GSK3B: variants seen among roughly 807,000 people sequenced by gnomAD.
GSK3B encodes the protein glycogen synthase kinase-3 beta.
GSK3B carries 15 observed loss-of-function variants against 56.4 expected under a neutral mutation model. The observed-to-expected ratio is 0.27, with a 90% CI of 0.18 to 0.41. GSK3B has a LOEUF of 0.41. Ranked by LOEUF, GSK3B falls within the 10% of genes least tolerant of loss-of-function variation. GSK3B has a pLI of 1.00. For missense variants in GSK3B, 300 were observed against 513.4 expected, an observed-to-expected ratio of 0.58 and a Z score of 4.02; for synonymous variants, 181 against 188.9, an observed-to-expected ratio of 0.96 and a Z score of 0.34.
At chr3:119,853,624 C>T (rs141824285) in intron 9 of GSK3B, among the ~76,000 whole-genome samples, 4 of 152,214 alleles carry the variant, frequency 2.6e-5, no homozygotes, top group African/African-American at 7.2e-5. Flanking sequence ...TTCTCCTTGA[C>T]GAGGTCCTTC....
At chr3:120,057,593 A>C (rs2058201691) in intron 1 of GSK3B, among the ~76,000 whole-genome samples, 1 of 152,204 alleles carries the variant, frequency 6.6e-6, no homozygotes, top group Non-Finnish European at 1.5e-5. Context: ...ATTCCTGTGG[A>C]AAGATAGATA....
At chr3:120,089,133 G>A (rs1486209135) in intron 1 of GSK3B, among the ~76,000 whole-genome samples, 1 of 152,220 alleles carries the variant, frequency 6.6e-6, no homozygotes, top group Admixed American at 6.5e-5. Flanking sequence ...AACTTTGCCA[G>A]TGAAATGAGA....
intron 1 of GSK3B, among the ~76,000 whole-genome samples, chr3:120,087,682 G>A (rs1379930291): frequency 2.0e-5 from 3 of 152,120 alleles, no homozygotes; most frequent in Admixed American, 1.3e-4. Context: ...AAGTTGGTTT[G>A]ACAAAACTAG....
chr3:120,078,409 G>A (rs1040355763), intron 1 of GSK3B, among the ~76,000 whole-genome samples: 21 of 151,938 alleles, frequency 1.4e-4, no homozygotes, highest in Admixed American at 1.2e-3. Flanking sequence ...CTTTTCTAAC[G>A]ACCCAGGAAT....
intron 1 of GSK3B, among the ~76,000 whole-genome samples, chr3:120,066,994 C>T (rs1269934113): frequency 2.0e-5 from 3 of 151,838 alleles, no homozygotes; most frequent in Non-Finnish European, 2.9e-5. Context: ...TGAATACTAA[C>T]GATAGCTGAT....
intron 1 of GSK3B, among the ~76,000 whole-genome samples, chr3:120,048,117 C>A (rs1283749184): frequency 6.6e-6 from 1 of 152,190 alleles, no homozygotes; most frequent in Non-Finnish European, 1.5e-5. Context: ...TAAAGCCAAT[C>A]ATTTAGTAAG....
At chr3:120,084,839 A>G (rs2058450322) in intron 1 of GSK3B, among the ~76,000 whole-genome samples, 1 of 152,240 alleles carries the variant, frequency 6.6e-6, no homozygotes, top group African/African-American at 2.4e-5. Context: ...TATTTAGAGA[A>G]ATAAGTATTT....
rs2055449650 is a variant in GSK3B, at chr3:119,823,606, T to C, written c.*3182A>G. Reference sequence around the variant, plus strand: ...TGTGGAAGAGACGAGCAAAATTTAATCTATTCGATATCCTCCAGCTCTAGG... The same window carrying C: ...TGTGGAAGAGACGAGCAAAATTTAACCTATTCGATATCCTCCAGCTCTAGG... On this transcript the variant is annotated 3_prime_UTR_variant, in exon 11 of 11. Coordinates refer to ENST00000264235, the MANE Select transcript of GSK3B (RefSeq NM_001146156.2). 5.4e-6 allele frequency: 1 copy of C among 184,610 alleles called. No homozygotes were observed. The highest frequency in any genetic ancestry group is 1.1e-5 in the Non-Finnish European group (1 of 87,144). The allele number at this position is 184,610 out of a possible 1,614,324, so 11.4% of individuals were successfully genotyped here.
At chr3:119,952,500 A>C (rs187580013) in intron 2 of GSK3B, among the ~76,000 whole-genome samples, 3 of 149,100 alleles carry the variant, frequency 2.0e-5, no homozygotes, top group South Asian at 2.1e-4. Context: ...AAAAAAAAAA[A>C]AAAGAAAAGA....
intron 7 of GSK3B, among the ~76,000 whole-genome samples, chr3:119,904,573 T>C (rs2056663383): frequency 6.6e-6 from 1 of 152,138 alleles, no homozygotes; most frequent in Non-Finnish European, 1.5e-5. Flanking sequence ...AAAATTCCTA[T>C]TTTTATAGAA....
intron 8 of GSK3B, among the ~76,000 whole-genome samples, chr3:119,865,467 T>TATATATATATATATATATATATATA (rs1491089884): frequency 4.8e-5 from 1 of 21,028 alleles, no homozygotes; most frequent in African/African-American, 1.5e-4. Context: ...TATATATATA[T>TATATATATATATATATATATATATA]TTTTTTTTTT....
chr3:119,920,744 T>C (rs1351143799), intron 4 of GSK3B, among the ~76,000 whole-genome samples: 1 of 152,202 alleles, frequency 6.6e-6, no homozygotes, highest in Non-Finnish European at 1.5e-5. Flanking sequence ...AAATTTTCAA[T>C]GTAAGAGAAA....
intron 9 of GSK3B, among the ~76,000 whole-genome samples, chr3:119,845,749 A>G (rs1049925633): frequency 1.3e-5 from 2 of 152,252 alleles, no homozygotes; most frequent in African/African-American, 4.8e-5. Flanking sequence ...AGTAATTTAT[A>G]GATTATTCAA....
intron 2 of GSK3B, among the ~76,000 whole-genome samples, chr3:119,963,740 C>T (rs2057295249): frequency 6.6e-6 from 1 of 150,450 alleles, no homozygotes; most frequent in African/African-American, 2.4e-5. Flanking sequence ...GGATCTTCAA[C>T]AAAGGTGCCA....
chr3:120,075,269 C>A (rs1434217937), intron 1 of GSK3B, among the ~76,000 whole-genome samples: 1 of 152,136 alleles, frequency 6.6e-6, no homozygotes, highest in African/African-American at 2.4e-5. Context: ...CCACAGCTAA[C>A]TACATAATCA....
intron 3 of GSK3B, among the ~76,000 whole-genome samples, chr3:119,936,350 A>AT (rs1209213725): frequency 3.0e-5 from 3 of 99,372 alleles, no homozygotes; most frequent in African/African-American, 1.4e-4. Context: ...ATATATATAT[A>AT]TATATTTTTT....
At chr3:119,906,571 T>G (rs902420503) in intron 6 of GSK3B, among the ~76,000 whole-genome samples, 1 of 152,120 alleles carries the variant, frequency 6.6e-6, no homozygotes, top group Non-Finnish European at 1.5e-5. Flanking sequence ...TATGTTGTCC[T>G]GGGATAATTA....
chr3:119,933,570 T>C (rs954249946), intron 3 of GSK3B, among the ~76,000 whole-genome samples: 2 of 152,110 alleles, frequency 1.3e-5, no homozygotes, highest in African/African-American at 4.8e-5. Flanking sequence ...GCCCACATGA[T>C]AGTATGTTAA....
chr3:119,941,591 G>C (rs1412199969), intron 3 of GSK3B, among the ~76,000 whole-genome samples: 1 of 152,124 alleles, frequency 6.6e-6, no homozygotes, highest in African/African-American at 2.4e-5. Flanking sequence ...GTTGCTATGA[G>C]GTTTAAGTGA....
Sources: gnomAD v4.1 joint callset for allele counts (sites outside exome capture counted in the v4.1 genomes callset) on GRCh38, gnomAD v4.1.1 for gene constraint, MANE v1.5 for transcripts, NCBI Gene and HGNC (gene_info 2026-07-23, HGNC 2026-07-21) for gene names.